The following MACROH2A1 variants were observed in gnomAD, a reference collection of about 807,000 sequenced individuals.
MACROH2A1 encodes core histone macro-H2A.1.
MACROH2A1 carries 2 observed loss-of-function variants against 31.6 expected under a neutral mutation model. The ratio of observed to expected loss-of-function variants is 0.06; its 90% CI spans 0.03 to 0.20. The LOEUF (loss-of-function observed/expected upper bound fraction) is 0.20, where lower values mean the gene tolerates loss of function less well. Among genes scored for constraint, MACROH2A1 ranks in the 10% least tolerant of loss-of-function variants. The pLI, the probability that MACROH2A1 is intolerant of heterozygous loss-of-function variation, is 1.00. For missense variants in MACROH2A1, 230 were observed against 474.0 expected, an observed-to-expected ratio of 0.49 and a Z score of 4.78; for synonymous variants, 169 against 189.6, an observed-to-expected ratio of 0.89 and a Z score of 0.89.
In MACROH2A1 at chr5:135,365,627, T is replaced by C. The variant is rs1024798493; in HGVS notation, c.477+3779A>G. ...ACAGACTAGATACAAATTGGTCTAATGAATATTCATTTTTTAAAAACTCAG... is the reference window on the plus strand; with the variant it reads ...ACAGACTAGATACAAATTGGTCTAACGAATATTCATTTTTTAAAAACTCAG... On this transcript the variant is annotated intron_variant, in intron 4 of 8. Coordinates refer to ENST00000511689, the MANE Select transcript of MACROH2A1 (RefSeq NM_138610.3). 2.6e-5 allele frequency among the ~76,000 whole-genome samples: 4 copies of C among 152,240 alleles called. No homozygotes were observed. In the East Asian group the frequency reaches 7.7e-4, roughly 29 times the overall value.
At chr5:135,354,621 G>A (rs1398654456) in intron 5 of MACROH2A1, 1 of 186,468 alleles carries the variant, frequency 5.4e-6, no homozygotes, top group African/African-American at 2.4e-5. Flanking sequence ...GCAGCTCAGA[G>A]CCCTGGCACC....
intron 6 of MACROH2A1, chr5:135,351,046 C>T: frequency 1.6e-6 from 1 of 633,410 alleles, no homozygotes; most frequent in South Asian, 1.8e-5. Flanking sequence ...GGCAATCAGT[C>T]CACGCAGTGT....
At chr5:135,338,155 C>T (rs1020023827) in intron 8 of MACROH2A1, 14 of 282,450 alleles carry the variant, frequency 5.0e-5, no homozygotes, top group South Asian at 9.8e-5. Flanking sequence ...ACAGAGGCAG[C>T]GGTGGCACAT....
Position 135,335,136 on chromosome 5 carries a change from C to A in MACROH2A1, c.959G>T (p.Gly320Val). ...AFPSIGSGRN[G>V]FPKQTAAQLI... The stretch of plus-strand genomic sequence containing the variant: ...CTGAGCTGCTGTCTGCTTTGGAAAA[C>A]CGTTCCTGGAGAAGAGAAGATAAGC... Residue 320 changes from glycine (G) to valine (V), a missense_variant, in exon 9 of 9, where the codon GGT becomes GTT. This residue lies in a region of MACROH2A1 where 183 missense variants were observed against 319.3 expected (regional missense o/e 0.57). Coordinates refer to ENST00000511689, the MANE Select transcript of MACROH2A1 (RefSeq NM_138610.3). 6.2e-7 allele frequency: 1 copy of A among 1,613,808 alleles called. No individual in the cohort carries two copies. The highest frequency in any genetic ancestry group is 8.5e-7 in the Non-Finnish European group (1 of 1,179,700).
intron 6 of MACROH2A1, chr5:135,346,296 T>C: frequency 1.9e-6 from 1 of 519,566 alleles, no homozygotes. Flanking sequence ...TATTTGGGTC[T>C]GACTCAGGGT....
chr5:135,357,140 C>T (rs1254041179), intron 5 of MACROH2A1: 2 of 152,278 alleles, frequency 1.3e-5, no homozygotes, highest in East Asian at 3.9e-4. Context: ...CATGCATGCC[C>T]AAGCTGGATT....
chr5:135,393,980 C>A (rs1019098407), intron 1 of MACROH2A1, among the ~76,000 whole-genome samples: 3 of 152,146 alleles, frequency 2.0e-5, no homozygotes, highest in African/African-American at 7.2e-5. Flanking sequence ...CCTCAGCAAT[C>A]GAGATGCGAC....
intron 2 of MACROH2A1, 23 bp from the exon 3 acceptor site, chr5:135,370,165 T>C: frequency 6.7e-7 from 1 of 1,494,128 alleles, no homozygotes; most frequent in African/African-American, 1.4e-5. Flanking sequence ...GAGATGAGTG[T>C]ATGGTCATGT....
rs1470473100 is a variant in MACROH2A1, at chr5:135,353,137, T to C, written c.589-92A>G. ...GATACAGGTAAAGGACAGTGGACACTCCAAGTGCACGAGGCACAAAAGGGA... is the reference window on the plus strand; with the variant it reads ...GATACAGGTAAAGGACAGTGGACACCCCAAGTGCACGAGGCACAAAAGGGA... On this transcript the variant is annotated intron_variant, in intron 5 of 8. Coordinates refer to ENST00000511689, the MANE Select transcript of MACROH2A1 (RefSeq NM_138610.3). The C allele has an allele frequency of 5.0e-6, 4 of 797,512 alleles. No individual in the cohort carries two copies. The African/African-American group carries it at 6.8e-5, about 14-fold the overall frequency. 49.4% of individuals were successfully genotyped at this position (797,512 alleles called of 1,614,324 possible). A position where few individuals can be genotyped will look rare whatever the true frequency, so the allele number is the denominator to read the frequency against.
chr5:135,350,859 G>A, intron 6 of MACROH2A1: 1 of 1,613,234 alleles, frequency 6.2e-7, no homozygotes, highest in Non-Finnish European at 8.5e-7. Context: ...GTGTTTGTCG[G>A]GTGAACGACA....
At chr5:135,351,782 C>T (rs1761609029) in intron 6 of MACROH2A1, among the ~76,000 whole-genome samples, 1 of 151,648 alleles carries the variant, frequency 6.6e-6, no homozygotes, top group Admixed American at 6.6e-5. Context: ...AGGTTGGTCT[C>T]CAACTCCTGG....
intron 5 of MACROH2A1, chr5:135,357,324 G>C (rs116404589): frequency 1.3e-5 from 2 of 152,264 alleles, no homozygotes; most frequent in Non-Finnish European, 2.9e-5. Flanking sequence ...CAGCCATAGT[G>C]GGGGGAAGGG....
intron 6 of MACROH2A1, chr5:135,346,511 G>A (rs1760860352): frequency 6.1e-6 from 1 of 164,656 alleles, no homozygotes; most frequent in Admixed American, 6.0e-5. Context: ...CCATCAATAA[G>A]CCAGCTCTCC....
At chr5:135,373,160 T>C (rs752452313) in intron 2 of MACROH2A1, among the ~76,000 whole-genome samples, 3 of 152,072 alleles carry the variant, frequency 2.0e-5, no homozygotes, top group African/African-American at 4.8e-5. Flanking sequence ...GCCCAAAACG[T>C]TGGAGGAAGG....
rs113768626 is a variant in MACROH2A1 at position 135,363,195 on chromosome 5, CA to C, written c.478-2589del. ...CAAAACCCCACTGCTACCAAAAATA[CA>C]AAAAAAAAAAGAAAGAAAGAAAATG... is the stretch of plus-strand genomic sequence containing the variant. On this transcript the variant is annotated intron_variant, in intron 4 of 8. Coordinates refer to ENST00000511689, the MANE Select transcript of MACROH2A1 (RefSeq NM_138610.3). 3.3e-3 allele frequency among the ~76,000 whole-genome samples: 439 copies of C among 134,942 alleles called. 1 individual carries two copies. Among genetic ancestry groups the C allele is most frequent in the African/African-American group, 9.2e-3 (346 of 37,526 alleles). 88.5% of individuals were successfully genotyped at this position (134,942 alleles called of 152,430 possible).
chr5:135,338,085 A>C, intron 8 of MACROH2A1: 1 of 898,046 alleles, frequency 1.1e-6, no homozygotes, highest in Non-Finnish European at 1.4e-6. Flanking sequence ...TTGTAGCAAA[A>C]TGGAATGTGT....
At position 135,398,899 on chromosome 5, in the gene MACROH2A1, A is replaced by G. The variant is rs947324421; in HGVS notation, c.-34+163T>C. On this transcript the variant is annotated intron_variant, in intron 1 of 8. Coordinates refer to ENST00000511689, the MANE Select transcript of MACROH2A1 (RefSeq NM_138610.3). The surrounding 1 kb of genome is among the most constrained non-coding windows in gnomAD (Gnocchi z 4.6). Reference sequence around the variant, plus strand: ...GGCCCGACAAGGCCTGGGAGGACGTAGTGCACGCGCGAGGACCCGGCGTGG... The same window carrying G: ...GGCCCGACAAGGCCTGGGAGGACGTGGTGCACGCGCGAGGACCCGGCGTGG... Among the ~76,000 whole-genome samples the G allele has an allele frequency of 6.7e-6, 1 of 148,152 alleles. No individual in the cohort carries two copies. Among genetic ancestry groups the G allele is most frequent in the Non-Finnish European group, 1.5e-5 (1 of 66,978 alleles).
In MACROH2A1 at chr5:135,354,729, G is replaced by C. The variant is rs1490723334; in HGVS notation, c.589-1684C>G. 3 of 293,826 alleles carry C rather than the reference G, an allele frequency of 1.0e-5. No individual in the cohort carries two copies. The East Asian group carries it at 2.9e-4, about 28-fold the overall frequency. 18.2% of individuals were successfully genotyped at this position (293,826 alleles called of 1,614,324 possible). ...GGTGGGCACAGAGTCGGGGGCCTTA[G>C]GGTAAGGCAAGTGAACTCTCAGGAT... On this transcript the variant is annotated intron_variant, in intron 5 of 8. Transcript: ENST00000511689.
chr5:135,352,197 G>A (rs919673629), intron 6 of MACROH2A1, among the ~76,000 whole-genome samples: 1 of 152,216 alleles, frequency 6.6e-6, no homozygotes, highest in African/African-American at 2.4e-5. Context: ...CCTCTACATC[G>A]AAGAGCAGCA....
Sources: allele counts gnomAD v4.1 joint callset (sites outside exome capture counted in the v4.1 genomes callset), GRCh38; gene constraint gnomAD v4.1.1; regional missense constraint gnomAD v4.1.1; non-coding constraint Gnocchi (gnomAD v3.1); transcripts MANE v1.5; gene names NCBI Gene and HGNC (gene_info 2026-07-23, HGNC 2026-07-21).